Variants in OLAH observed in about 807,000 individuals in gnomAD.
OLAH encodes the protein S-acyl fatty acid synthase thioesterase, medium chain.
In OLAH, 33 loss-of-function variants were observed where a neutral mutation model predicts 27.8. The ratio of observed to expected loss-of-function variants is 1.19; its 90% CI spans 0.90 to 1.59. OLAH has a LOEUF of 1.59. Ranked by LOEUF, OLAH falls within the 40% of genes most tolerant of loss-of-function variation. The pLI, the probability that OLAH is intolerant of heterozygous loss-of-function variation, is 0.00. For missense variants in OLAH, 359 were observed against 310.8 expected (o/e 1.16, Z -1.17); for synonymous variants, 120 against 102.9 (o/e 1.17, Z -1.01).
At chr10:15,056,782 C>T (rs1347178387) in intron 3 of OLAH, 2 of 1,416,136 alleles carry the variant, frequency 1.4e-6, no homozygotes, top group South Asian at 1.6e-5. Flanking sequence ...AGGCATACAC[C>T]ACTATGCTCG....
At chr10:15,057,700 T>G (rs1298414003) in intron 3 of OLAH, among the ~76,000 whole-genome samples, 1 of 152,176 alleles carries the variant, frequency 6.6e-6, no homozygotes, top group African/African-American at 2.4e-5. Flanking sequence ...TTCTCTATTC[T>G]GTCCCATTGG....
At chr10:15,058,793 G>T (rs1844295853) in intron 3 of OLAH, among the ~76,000 whole-genome samples, 1 of 152,032 alleles carries the variant, frequency 6.6e-6, no homozygotes, top group African/African-American at 2.4e-5. Flanking sequence ...TGGGTTTTAT[G>T]TGTCTAAAAA....
chr10:15,038,255 C>T (rs895957584), intron 1 of OLAH, among the ~76,000 whole-genome samples: 16 of 152,190 alleles, frequency 1.1e-4, no homozygotes, highest in South Asian at 2.1e-4. Flanking sequence ...GGCTGATAGG[C>T]GGAAGGGACT....
At chr10:15,042,208 A>G (rs1167867110), upstream of OLAH, among the ~76,000 whole-genome samples, 1 of 151,460 alleles carries the variant, frequency 6.6e-6, no homozygotes, top group Non-Finnish European at 1.5e-5. Context: ...CTGGAGTGCA[A>G]TGACGTGATC....
chr10:15,069,763 G>A (rs921658845), intron 6 of OLAH, among the ~76,000 whole-genome samples: 1 of 152,178 alleles, frequency 6.6e-6, no homozygotes, highest in African/African-American at 2.4e-5. Flanking sequence ...CTACTCGACA[G>A]GCTGAGGCAG....
chr10:15,044,039 A>T (rs1386371447), intron 1 of OLAH, 53 bp downstream of exon 1: 1 of 152,236 alleles, frequency 6.6e-6, no homozygotes, highest in Non-Finnish European at 1.5e-5. Flanking sequence ...ATACCTTCTC[A>T]GATATGTCTC....
intron 1 of OLAH, among the ~76,000 whole-genome samples, chr10:15,033,039 ATT>A (rs34884215): frequency 6.9e-5 from 10 of 144,984 alleles, no homozygotes; most frequent in African/African-American, 2.0e-4. Context: ...CAGTGGGCTA[ATT>A]TTTTTTTTTT....
At chr10:15,067,612 T>G (rs1844494457) in intron 6 of OLAH, among the ~76,000 whole-genome samples, 1 of 152,212 alleles carries the variant, frequency 6.6e-6, no homozygotes, top group African/African-American at 2.4e-5. Flanking sequence ...GTTGACATTC[T>G]CACCCTTTCT....
intron 4 of OLAH, among the ~76,000 whole-genome samples, chr10:15,063,169 C>T (rs1372599699): frequency 6.6e-6 from 1 of 152,140 alleles, no homozygotes; most frequent in Non-Finnish European, 1.5e-5. Flanking sequence ...CTCTGTCACC[C>T]AGGCTGCAGG....
chr10:15,035,104 G>T (rs957721860), intron 1 of OLAH, among the ~76,000 whole-genome samples: 2 of 152,008 alleles, frequency 1.3e-5, no homozygotes, highest in Non-Finnish European at 2.9e-5. Flanking sequence ...GGCTGGGGTT[G>T]TTCATTGAAC....
intron 1 of OLAH, among the ~76,000 whole-genome samples, chr10:15,046,866 G>T (rs928239127): frequency 2.0e-5 from 3 of 152,162 alleles, no homozygotes; most frequent in African/African-American, 7.2e-5. Context: ...TCTTTTAGGA[G>T]CAGGCTTGTT....
chr10:15,042,527 C>T (rs1013696110), upstream of OLAH, among the ~76,000 whole-genome samples: 1 of 152,154 alleles, frequency 6.6e-6, no homozygotes, highest in Non-Finnish European at 1.5e-5. Context: ...AACATTTATC[C>T]TTTGTGTTAC....
At chr10:15,068,796 A>G (rs1844521626) in intron 6 of OLAH, among the ~76,000 whole-genome samples, 1 of 152,208 alleles carries the variant, frequency 6.6e-6, no homozygotes, top group African/African-American at 2.4e-5. Flanking sequence ...GCTTTTTGAC[A>G]GGCCGTTAGT....
intron 3 of OLAH, among the ~76,000 whole-genome samples, chr10:15,061,044 A>G (rs1451277450): frequency 6.6e-6 from 1 of 152,192 alleles, no homozygotes; most frequent in Non-Finnish European, 1.5e-5. Flanking sequence ...GGTCATTTCA[A>G]GTTATTTTTC....
intron 3 of OLAH, among the ~76,000 whole-genome samples, chr10:15,057,273 C>A (rs1183482772): frequency 6.6e-6 from 1 of 152,142 alleles, no homozygotes; most frequent in African/African-American, 2.4e-5. Context: ...TTTACTTATA[C>A]CACATGAATA....
At chr10:15,034,177 G>C (rs1488756916) in intron 1 of OLAH, among the ~76,000 whole-genome samples, 3 of 147,212 alleles carry the variant, frequency 2.0e-5, no homozygotes, top group African/African-American at 7.6e-5. Flanking sequence ...GCAATGGCAA[G>C]ATCTTGGCTC....
intron 2 of OLAH, among the ~76,000 whole-genome samples, chr10:15,048,637 T>C (rs1844069058): frequency 6.6e-6 from 1 of 152,336 alleles, no homozygotes; most frequent in East Asian, 1.9e-4. Context: ...GATACCAAGA[T>C]TGAAGCTGCC....
intron 1 of OLAH, among the ~76,000 whole-genome samples, chr10:15,037,292 T>C (rs1843855049): frequency 6.6e-6 from 1 of 152,108 alleles, no homozygotes; most frequent in Admixed American, 6.6e-5. Context: ...AGAATTATTA[T>C]CATAGAAGCC....
chr10:15,038,965 G>T (rs1281543900), upstream of OLAH, among the ~76,000 whole-genome samples: 1 of 152,166 alleles, frequency 6.6e-6, no homozygotes, highest in African/African-American at 2.4e-5. Flanking sequence ...GTTCACGCTT[G>T]TAATACCAGC....
Sources: gnomAD v4.1 joint callset for allele counts (sites outside exome capture counted in the v4.1 genomes callset) on GRCh38, gnomAD v4.1.1 for gene constraint, MANE v1.5 for transcripts, NCBI Gene and HGNC (gene_info 2026-07-23, HGNC 2026-07-21) for gene names.